MTMR8: variants seen among roughly 807,000 people sequenced by gnomAD.
MTMR8 encodes the protein myotubularin related protein 8, also known as phosphatidylinositol-3,5-bisphosphate 3-phosphatase MTMR8.
A neutral mutation model predicts 39.3 loss-of-function variants in MTMR8; 65 were observed. That is an observed-to-expected ratio of 1.65 (90% CI 1.35 to 2.03). The LOEUF is 2.03. Among genes scored for constraint, MTMR8 ranks in the 30% most tolerant of loss-of-function variants. MTMR8 has a pLI of 0.00. For synonymous variants in MTMR8, 245 were observed against 185.2 expected, an observed-to-expected ratio of 1.32 and a Z score of -2.62; for missense variants, 777 against 538.9, an observed-to-expected ratio of 1.44 and a Z score of -4.37.
intron 12 of MTMR8, among the ~76,000 whole-genome samples, chrX:64,296,482 A>C (rs1440368613): frequency 9.0e-6 from 1 of 110,748 alleles, no homozygotes; most frequent in Non-Finnish European, 1.9e-5. Flanking sequence ...ATTTTACAAA[A>C]ACCAAAACAA....
At chrX:64,288,776 C>T (rs966204415) in intron 12 of MTMR8, among the ~76,000 whole-genome samples, 2 of 110,516 alleles carry the variant, frequency 1.8e-5, no homozygotes, top group Non-Finnish European at 3.8e-5. Context: ...GGACAAAAAC[C>T]CAAACACCGC....
Position 64,348,698 on chromosome X carries a change from C to A in MTMR8, c.694G>T (p.Gly232Trp). 3 of 1,210,942 alleles carry A rather than the reference C, an allele frequency of 2.5e-6. No homozygotes were observed. ...LLEAISQTNP[G>W]SQFMYVVDTR... ...TCTACAACATACATAAACTGGCTCC[C>A]TGGGTTTGTTTGGCTAATGGCCTCC... The change falls in exon 6 of 14, where the codon GGG (glycine) becomes TGG (tryptophan). Residue 232 changes from glycine (G) to tryptophan (W), a missense_variant. Physicochemically the swap from Gly to Trp is radical, Grantham distance 184 (BLOSUM62 -2). Coordinates refer to ENST00000374852, the MANE Select transcript of MTMR8 (RefSeq NM_017677.4).
At chrX:64,293,502 A>G (rs1921469966) in intron 12 of MTMR8, among the ~76,000 whole-genome samples, 1 of 111,339 alleles carries the variant, frequency 9.0e-6, no homozygotes, top group South Asian at 3.8e-4. Flanking sequence ...ATTAACATTT[A>G]CTAGGGTTAG....
chrX:64,301,124 G>A (rs1253940449), intron 12 of MTMR8, among the ~76,000 whole-genome samples: 1 of 108,170 alleles, frequency 9.2e-6, no homozygotes, highest in Non-Finnish European at 1.9e-5. Context: ...ACGTTGGCCT[G>A]CCTTGCTAGA....
intron 11 of MTMR8, among the ~76,000 whole-genome samples, chrX:64,330,317 C>G (rs919595007): frequency 9.0e-6 from 1 of 111,298 alleles, no homozygotes; most frequent in African/African-American, 3.3e-5. Flanking sequence ...GTTGTAAAGA[C>G]AGAGAGAGAG....
chrX:64,353,464 C>T (rs139712224), intron 4 of MTMR8, among the ~76,000 whole-genome samples: 50 of 111,976 alleles, frequency 4.5e-4, no homozygotes, highest in Middle Eastern at 4.6e-3. Flanking sequence ...AAAGAGGACA[C>T]ACAAATGACC....
intron 1 of MTMR8, among the ~76,000 whole-genome samples, chrX:64,376,563 A>T (rs769182151): frequency 1.8e-5 from 2 of 112,202 alleles, no homozygotes; most frequent in Non-Finnish European, 3.8e-5. Flanking sequence ...TAAGCAGCAA[A>T]GTGTTCAAGA....
intron 1 of MTMR8, among the ~76,000 whole-genome samples, chrX:64,383,815 C>G (rs1602159086): frequency 1.8e-5 from 2 of 111,124 alleles, no homozygotes; most frequent in Admixed American, 1.9e-4. Flanking sequence ...TTGGTAGGGA[C>G]AGAACCAAAC....
intron 12 of MTMR8, among the ~76,000 whole-genome samples, chrX:64,272,050 G>A (rs1972563781): frequency 8.9e-6 from 1 of 111,813 alleles, no homozygotes; most frequent in Admixed American, 9.5e-5. Context: ...TTTAAACTAG[G>A]ACAATGGGTT....
At chrX:64,284,313 A>G (rs748047470) in intron 12 of MTMR8, among the ~76,000 whole-genome samples, 7 of 112,242 alleles carry the variant, frequency 6.2e-5, no homozygotes, top group African/African-American at 2.3e-4. Context: ...TCTAAAAAAT[A>G]TGGGACTATG....
chrX:64,369,253 C>T (rs1924061725), intron 1 of MTMR8, among the ~76,000 whole-genome samples: 1 of 111,615 alleles, frequency 9.0e-6, no homozygotes, highest in Admixed American at 9.5e-5. Context: ...ACCCAGCAAT[C>T]CCATTACTGG....
At chrX:64,281,532 C>A (rs746644010) in intron 12 of MTMR8, among the ~76,000 whole-genome samples, 7 of 111,800 alleles carry the variant, frequency 6.3e-5, no homozygotes, top group Admixed American at 2.9e-4. Flanking sequence ...CTTCCTTATA[C>A]CTTATACAAA....
At chrX:64,367,488 A>C (rs1446805065) in intron 1 of MTMR8, among the ~76,000 whole-genome samples, 1 of 112,051 alleles carries the variant, frequency 8.9e-6, no homozygotes, top group Non-Finnish European at 1.9e-5. Context: ...CCATCACATA[A>C]ACAGAACCAA....
rs1396179800 is a variant in MTMR8, at chrX:64,356,080, C to G, written c.310+96G>C. On this transcript the variant is annotated intron_variant, in intron 3 of 13. Coordinates refer to ENST00000374852, the MANE Select transcript of MTMR8 (RefSeq NM_017677.4). ...AGCTAATAAGTGGTACAGCCCAGAT[C>G]CAAACCCTCCTCTGACTCCATAGCC... 50 of 914,145 alleles carry G rather than the reference C, an allele frequency of 5.5e-5. 1 individual carries two copies. The highest frequency in any genetic ancestry group is 7.2e-5 in the Non-Finnish European group (47 of 656,448). The allele number at this position is 914,145 out of a possible 1,213,427, so 75.3% of individuals were successfully genotyped here. A position where few individuals can be genotyped will look rare whatever the true frequency, so the allele number is the denominator to read the frequency against.
At chrX:64,313,688 A>C (rs1256199418) in intron 12 of MTMR8, among the ~76,000 whole-genome samples, 1 of 112,433 alleles carries the variant, frequency 8.9e-6, no homozygotes, top group Admixed American at 9.4e-5. Context: ...CATGGTTATT[A>C]GTTGGCCTAA....
chrX:64,374,807 T>C (rs1481680437), intron 1 of MTMR8, among the ~76,000 whole-genome samples: 1 of 110,247 alleles, frequency 9.1e-6, no homozygotes, highest in Non-Finnish European at 1.9e-5. Flanking sequence ...AATCCAGTGA[T>C]AAGTGTCCTT....
intron 12 of MTMR8, among the ~76,000 whole-genome samples, chrX:64,309,111 A>G (rs1371884746): frequency 8.9e-6 from 1 of 112,121 alleles, no homozygotes; most frequent in Non-Finnish European, 1.9e-5. Context: ...GTGTCTCTAT[A>G]TAAACTTTAC....
At chrX:64,366,474 A>C (rs1923961719) in intron 1 of MTMR8, among the ~76,000 whole-genome samples, 1 of 112,241 alleles carries the variant, frequency 8.9e-6, no homozygotes, top group African/African-American at 3.2e-5. Flanking sequence ...ACTCAACTAC[A>C]TGGAAGCTGA....
chrX:64,271,104 G>A (rs746181506), intron 12 of MTMR8, 31 bp from the exon 13 acceptor site: 6 of 1,158,988 alleles, frequency 5.2e-6, no homozygotes, highest in Non-Finnish European at 5.7e-6. Flanking sequence ...GGGAAAAGTG[G>A]GTTAGTTTAG....
Sources: gnomAD v4.1 joint callset for allele counts (sites outside exome capture counted in the v4.1 genomes callset) on GRCh38, gnomAD v4.1.1 for gene constraint, MANE v1.5 for transcripts, NCBI Gene and HGNC (gene_info 2026-07-23, HGNC 2026-07-21) for gene names.